The following TFDP2 variants were observed in gnomAD, a reference collection of about 807,000 sequenced individuals.
TFDP2 encodes transcription factor Dp-2 (E2F dimerization partner 2).
TFDP2 carries 17 observed loss-of-function variants against 59.3 expected under a neutral mutation model. That is an observed-to-expected ratio of 0.29 (90% CI 0.20 to 0.43). The LOEUF is 0.43. Ranked by LOEUF, TFDP2 falls within the 20% of genes least tolerant of loss-of-function variation. The pLI is 1.00. For missense variants in TFDP2, 391 were observed against 528.8 expected, an observed-to-expected ratio of 0.74 and a Z score of 2.56; for synonymous variants, 180 against 194.7, an observed-to-expected ratio of 0.92 and a Z score of 0.63.
At chr3:142,142,648 C>T (rs1470027317) in intron 1 of TFDP2, among the ~76,000 whole-genome samples, 2 of 152,172 alleles carry the variant, frequency 1.3e-5, no homozygotes, top group Non-Finnish European at 2.9e-5. Context: ...ATAGCCAAAG[C>T]TATCTTGAGC....
chr3:142,080,655 A>G (rs545444602), intron 3 of TFDP2, among the ~76,000 whole-genome samples: 268 of 152,338 alleles, frequency 1.8e-3, no homozygotes, highest in African/African-American at 6.2e-3. Flanking sequence ...GCAAAAAGAT[A>G]TTCCATGACA....
chr3:142,004,026 T>G (rs769640065), intron 4 of TFDP2, among the ~76,000 whole-genome samples: 8 of 152,220 alleles, frequency 5.3e-5, no homozygotes, highest in Non-Finnish European at 1.2e-4. Flanking sequence ...CATTTCAAAA[T>G]GCAGATTTTT....
Position 141,950,843 on chromosome 3 carries a change from A to G in TFDP2, c.*1670T>C, listed in dbSNP as rs11569291. On this transcript the variant is annotated 3_prime_UTR_variant, in exon 13 of 13. Transcript: ENST00000489671. The stretch of plus-strand genomic sequence containing the variant: ...TGCTCCAGAACCCACGATAAGACCG[A>G]GTTCTCTAGAAACTGCCTCTATCTC... The G allele has an allele frequency of 0.074, 11,301 of 152,500 alleles. 528 individuals are homozygous for G. Among genetic ancestry groups the G allele is most frequent in the Non-Finnish European group, 0.11 (7,502 of 68,018 alleles). The allele number at this position is 152,500 out of a possible 1,614,324, so 9.4% of individuals were successfully genotyped here. A position where few individuals can be genotyped will look rare whatever the true frequency, so the allele number is the denominator to read the frequency against.
At chr3:142,098,877 G>C (rs1049008237) in intron 2 of TFDP2, among the ~76,000 whole-genome samples, 4 of 152,200 alleles carry the variant, frequency 2.6e-5, no homozygotes, top group African/African-American at 7.2e-5. Flanking sequence ...CTGGAATCTA[G>C]ATGTGTTTGA....
chr3:141,965,392 G>T (rs1388552309), intron 9 of TFDP2, among the ~76,000 whole-genome samples: 1 of 151,644 alleles, frequency 6.6e-6, no homozygotes, highest in Non-Finnish European at 1.5e-5. Flanking sequence ...AGCACTTTGG[G>T]AGGCCGAAGT....
chr3:141,946,220 A>C lies in TFDP2; in HGVS notation c.*6293T>G, dbSNP rs1384951106. 1.3e-5 allele frequency: 2 copies of C among 152,242 alleles called. No homozygotes were observed. The highest frequency in any genetic ancestry group is 2.9e-5 in the Non-Finnish European group (2 of 68,050). The allele number at this position is 152,242 out of a possible 1,614,324, so 9.4% of individuals were successfully genotyped here. A position where few individuals can be genotyped will look rare whatever the true frequency, so the allele number is the denominator to read the frequency against. ...AAGCTCTTGCTTGTTTCCCATCTCTAAATGAGCAGGGTGGGAGCGATGTTA... is the reference window on the plus strand; with the variant it reads ...AAGCTCTTGCTTGTTTCCCATCTCTCAATGAGCAGGGTGGGAGCGATGTTA... On this transcript the variant is annotated 3_prime_UTR_variant, in exon 13 of 13. Transcript: ENST00000489671.
intron 3 of TFDP2, among the ~76,000 whole-genome samples, chr3:142,036,134 A>G (rs983059625): frequency 6.6e-6 from 1 of 152,212 alleles, no homozygotes; most frequent in Non-Finnish European, 1.5e-5. Context: ...AAAATAAAGA[A>G]GATCACTTCA....
chr3:142,102,604 T>G (rs1365660839), intron 1 of TFDP2, among the ~76,000 whole-genome samples: 2 of 152,174 alleles, frequency 1.3e-5, no homozygotes, highest in Non-Finnish European at 2.9e-5. Context: ...AAATAGGATA[T>G]TTCCATAGCG....
chr3:142,086,642 T>C (rs56116145), intron 3 of TFDP2, among the ~76,000 whole-genome samples: 12,931 of 152,124 alleles, frequency 0.085, 679 homozygotes, highest in Middle Eastern at 0.14. Flanking sequence ...AGTTGGGGTG[T>C]GCCACCCTCC....
intron 7 of TFDP2, among the ~76,000 whole-genome samples, chr3:141,977,102 A>AT (rs1940762680): frequency 1.1e-5 from 1 of 92,000 alleles, no homozygotes; most frequent in Admixed American, 1.1e-4. Context: ...ATATATATAT[A>AT]TATATTTTTT....
intron 1 of TFDP2, among the ~76,000 whole-genome samples, chr3:142,141,772 G>A (rs1004684405): frequency 2.0e-5 from 3 of 151,546 alleles, no homozygotes; most frequent in Non-Finnish European, 2.9e-5. Flanking sequence ...GCAGTGAGCC[G>A]ATATCATGCC....
intron 1 of TFDP2, among the ~76,000 whole-genome samples, chr3:142,102,393 G>C (rs956886667): frequency 6.6e-6 from 1 of 152,030 alleles, no homozygotes; most frequent in African/African-American, 2.4e-5. Context: ...GATAGTAACA[G>C]ATTATAAACC....
At chr3:142,009,712 CAAA>C (rs755542797) in intron 3 of TFDP2, among the ~76,000 whole-genome samples, 4 of 79,348 alleles carry the variant, frequency 5.0e-5, no homozygotes, top group African/African-American at 9.5e-5. Flanking sequence ...GACTCTGTCT[CAAA>C]AAAAAAAAAA....
intron 1 of TFDP2, among the ~76,000 whole-genome samples, chr3:142,116,721 TTC>T (rs531610494): frequency 1.2e-3 from 177 of 152,356 alleles, no homozygotes; most frequent in African/African-American, 4.1e-3. Context: ...TTTGAGTTTT[TTC>T]TCTGTTTCCT....
chr3:142,068,492 T>C (rs2060142191), intron 3 of TFDP2, among the ~76,000 whole-genome samples: 3 of 152,196 alleles, frequency 2.0e-5, no homozygotes, highest in African/African-American at 7.2e-5. Flanking sequence ...AGATAACCAA[T>C]GTCAACAGTT....
intron 11 of TFDP2, among the ~76,000 whole-genome samples, 176 bp downstream of exon 11, chr3:141,959,498 G>T (rs1457482050): frequency 6.6e-6 from 1 of 152,164 alleles, no homozygotes; most frequent in East Asian, 1.9e-4. Flanking sequence ...ATAATGTTAT[G>T]AAACAAACTA....
At chr3:142,029,473 T>A (rs74683699) in intron 3 of TFDP2, among the ~76,000 whole-genome samples, 8 of 144,886 alleles carry the variant, frequency 5.5e-5, no homozygotes, top group South Asian at 2.2e-4. Flanking sequence ...GGTTTTTTTT[T>A]AAATGACTAA....
At chr3:142,145,197 AC>A (rs2063124830) in intron 1 of TFDP2, among the ~76,000 whole-genome samples, 1 of 152,204 alleles carries the variant, frequency 6.6e-6, no homozygotes, top group South Asian at 2.1e-4. Context: ...ACAGTTCCTA[AC>A]TACTCTAAGT....
chr3:141,981,918 G>A (rs1242298583), intron 6 of TFDP2, among the ~76,000 whole-genome samples: 2 of 152,148 alleles, frequency 1.3e-5, no homozygotes, highest in Admixed American at 6.6e-5. Context: ...GAAGTGGAGG[G>A]TAAGGAAGAG....
Sources: allele counts gnomAD v4.1 joint callset (sites outside exome capture counted in the v4.1 genomes callset), GRCh38; gene constraint gnomAD v4.1.1; transcripts MANE v1.5; gene names NCBI Gene and HGNC (gene_info 2026-07-23, HGNC 2026-07-21).